Variants in CSMD3 observed in about 807,000 individuals in gnomAD.
CSMD3 encodes CUB and sushi domain-containing protein 3.
In CSMD3, 177 loss-of-function variants were observed where a neutral mutation model predicts 435.2. The ratio of observed to expected loss-of-function variants is 0.41; its 90% CI spans 0.36 to 0.46. The LOEUF is 0.46. Ranked by LOEUF, CSMD3 falls within the 20% of genes least tolerant of loss-of-function variation. CSMD3 has a pLI of 0.34. For synonymous variants in CSMD3, 1,656 were observed against 1,520.5 expected (o/e 1.09, Z -2.07); for missense variants, 4,265 against 4,504.6 (o/e 0.95, Z 1.52).
chr8:113,174,001 T>C, intron 3 of CSMD3, 85 bp from the exon 4 acceptor site: 1 of 945,370 alleles, frequency 1.1e-6, no homozygotes, highest in South Asian at 1.4e-5. Flanking sequence ...TATATGTAGA[T>C]ATGGATATTC....
chr8:112,861,786 G>A (rs1238573251), intron 10 of CSMD3, among the ~76,000 whole-genome samples: 1 of 151,894 alleles, frequency 6.6e-6, no homozygotes, highest in African/African-American at 2.4e-5. Flanking sequence ...CAATTGGTTT[G>A]TAGTGGCTAT....
At chr8:112,781,177 GC>G (rs749242909) in intron 13 of CSMD3, among the ~76,000 whole-genome samples, 1 of 151,938 alleles carries the variant, frequency 6.6e-6, no homozygotes, top group Non-Finnish European at 1.5e-5. Flanking sequence ...ACCTGCCCTG[GC>G]CAGAAGGAAA....
chr8:112,522,715 T>C (rs1426956158), intron 27 of CSMD3, among the ~76,000 whole-genome samples: 1 of 151,910 alleles, frequency 6.6e-6, no homozygotes, highest in Non-Finnish European at 1.5e-5. Flanking sequence ...TTTAATCGCT[T>C]TACTCTGTTA....
At chr8:113,392,901 C>G (rs2094466831) in intron 1 of CSMD3, among the ~76,000 whole-genome samples, 1 of 151,670 alleles carries the variant, frequency 6.6e-6, no homozygotes, top group African/African-American at 2.4e-5. Flanking sequence ...ACTTTATACT[C>G]CTTCCAATGC....
At chr8:112,381,554 T>C (rs532407041) in intron 37 of CSMD3, among the ~76,000 whole-genome samples, 132 of 152,302 alleles carry the variant, frequency 8.7e-4, no homozygotes, top group African/African-American at 3.1e-3. Context: ...GTAACTACTT[T>C]CTTTACATTT....
intron 23 of CSMD3, among the ~76,000 whole-genome samples, chr8:112,576,099 A>G (rs113617233): frequency 1.3e-5 from 2 of 152,218 alleles, no homozygotes; most frequent in East Asian, 3.9e-4. Context: ...TTCTCTATTT[A>G]TGTGTGGATA....
At chr8:113,127,516 C>T (rs1313582431) in intron 4 of CSMD3, among the ~76,000 whole-genome samples, 1 of 151,962 alleles carries the variant, frequency 6.6e-6, no homozygotes, top group Non-Finnish European at 1.5e-5. Context: ...TCCCTCACCC[C>T]ATTCCCCAAT....
intron 1 of CSMD3, among the ~76,000 whole-genome samples, chr8:113,330,706 T>C (rs1430127897): frequency 6.6e-6 from 1 of 151,868 alleles, no homozygotes; most frequent in African/African-American, 2.4e-5. Flanking sequence ...ATGAATACTT[T>C]TATAGTCATA....
intron 5 of CSMD3, among the ~76,000 whole-genome samples, chr8:113,026,425 C>A (rs1319471259): frequency 6.6e-6 from 1 of 152,216 alleles, no homozygotes; most frequent in South Asian, 2.1e-4. Flanking sequence ...TTGTTTTGGT[C>A]CTTTGTTTTT....
Position 112,289,549 on chromosome 8 carries a change from T to C in CSMD3, c.8975-11A>G, listed in dbSNP as rs1180549777. 2.6e-6 allele frequency: 4 copies of C among 1,557,038 alleles called. No homozygotes were observed. Among genetic ancestry groups the C allele is most frequent in the Non-Finnish European group, 3.5e-6 (4 of 1,145,090 alleles). ...GTCCACAGTCAATCACTACAATACA[T>C]AATTATTAAATATAAAATTTTTTTA... On this transcript the variant is annotated splice_polypyrimidine_tract_variant and intron_variant, in intron 56 of 70. Transcript: ENST00000297405.
intron 13 of CSMD3, among the ~76,000 whole-genome samples, chr8:112,771,644 C>T (rs370978440): frequency 3.0e-4 from 45 of 152,052 alleles, no homozygotes; most frequent in African/African-American, 8.9e-4. Context: ...TTTCTCTATA[C>T]GTATGTATCT....
chr8:112,531,841 A>T (rs1825569180), intron 27 of CSMD3, among the ~76,000 whole-genome samples: 1 of 152,146 alleles, frequency 6.6e-6, no homozygotes, highest in Admixed American at 6.6e-5. Context: ...AAGCCTCAAG[A>T]ACATTCAAGA....
chr8:113,341,558 C>T lies in CSMD3; in HGVS notation c.179-26765G>A, dbSNP rs531102188. 3.3e-5 allele frequency among the ~76,000 whole-genome samples: 5 copies of T among 151,954 alleles called. No individual in the cohort carries two copies. The South Asian group carries it at 8.3e-4, about 25-fold the overall frequency. ...AGTTCTAGAATCTAATGGCAGGAAC[C>T]CATAAACAAGTAGTTTATAAATATA... On this transcript the variant is annotated intron_variant, in intron 1 of 70. Transcript: ENST00000297405.
At chr8:112,765,165 A>C (rs973045987) in intron 13 of CSMD3, among the ~76,000 whole-genome samples, 6 of 151,732 alleles carry the variant, frequency 4.0e-5, no homozygotes, top group African/African-American at 1.4e-4. Context: ...AACAGGTCAG[A>C]ATTATATTTC....
intron 7 of CSMD3, among the ~76,000 whole-genome samples, chr8:112,968,758 C>T (rs1288192043): frequency 1.3e-5 from 2 of 151,936 alleles, no homozygotes; most frequent in East Asian, 1.9e-4. Context: ...TTTGAATTCA[C>T]CACTTGCTCA....
chr8:112,241,239 G>A (rs1022672146), intron 66 of CSMD3, among the ~76,000 whole-genome samples: 1 of 151,966 alleles, frequency 6.6e-6, no homozygotes, highest in African/African-American at 2.4e-5. Context: ...GATACATCAA[G>A]GTTGTAGGGC....
At chr8:113,187,128 C>T (rs1479360697) in intron 3 of CSMD3, among the ~76,000 whole-genome samples, 3 of 150,366 alleles carry the variant, frequency 2.0e-5, no homozygotes, top group Admixed American at 2.0e-4. Flanking sequence ...ACCCCTTTCA[C>T]TTTGCTGGGA....
intron 10 of CSMD3, among the ~76,000 whole-genome samples, chr8:112,864,969 A>C (rs1353517195): frequency 6.6e-6 from 1 of 152,220 alleles, no homozygotes; most frequent in Non-Finnish European, 1.5e-5. Context: ...GGGCTACCCT[A>C]TACATTTTAC....
At chr8:112,951,094 T>G (rs546080287) in intron 8 of CSMD3, among the ~76,000 whole-genome samples, 49 of 151,962 alleles carry the variant, frequency 3.2e-4, no homozygotes, top group African/African-American at 1.1e-3. Flanking sequence ...ATATTTAAAA[T>G]TTTTTAAATT....
Sources: allele counts gnomAD v4.1 joint callset (sites outside exome capture counted in the v4.1 genomes callset), GRCh38; gene constraint gnomAD v4.1.1; transcripts MANE v1.5; gene names NCBI Gene and HGNC (gene_info 2026-07-23, HGNC 2026-07-21).